Variants in GABBR1 observed in about 807,000 individuals in gnomAD.
The protein encoded by GABBR1 is gamma-aminobutyric acid type B receptor subunit 1.
Under a neutral mutation model 117.7 loss-of-function variants are expected in GABBR1, and 35 were observed. The ratio of observed to expected loss-of-function variants is 0.30; its 90% confidence interval spans 0.23 to 0.39. GABBR1 has a LOEUF of 0.39. GABBR1 is among the 10% of genes least tolerant of loss of function. GABBR1 has a pLI of 1.00. For synonymous variants in GABBR1, 442 were observed against 486.6 expected (o/e 0.91, Z 1.21); for missense variants, 709 against 1,241.8 (o/e 0.57, Z 6.45).
chr6:29,624,156 T>G, intron 6 of GABBR1, 132 bp from the exon 7 acceptor site: 6 of 924,464 alleles, frequency 6.5e-6, no homozygotes, highest in Non-Finnish European at 7.8e-6. Flanking sequence ...TACCGTTTTC[T>G]TCTCCTTTCT....
chr6:29,620,497 T>C lies in GABBR1; in HGVS notation c.1323+604A>G, dbSNP rs1056012137. On this transcript the variant is annotated intron_variant, in intron 11 of 22. Coordinates refer to ENST00000377034, the MANE Select transcript of GABBR1 (RefSeq NM_001470.4). The surrounding 1 kb of genome is among the most constrained non-coding windows in gnomAD (Gnocchi z 4.5). ...CCCACACTCACTTCTGCCCCTCAGC[T>C]GCAGGGCTGCCCCAGCCCTCTCAAA... 5.3e-5 allele frequency among the ~76,000 whole-genome samples: 8 copies of C among 152,178 alleles called. No homozygotes were observed. The highest frequency in any genetic ancestry group is 1.5e-5 in the Non-Finnish European group (1 of 68,032).
Position 29,620,889 on chromosome 6 carries a change from G to GTTT in GABBR1, c.1323+209_1323+211dup, listed in dbSNP as rs28383955. 6.9e-6 allele frequency among the ~76,000 whole-genome samples: 1 copy of GTTT among 144,776 alleles called. No homozygotes were observed. The allele number at this position is 144,776 out of a possible 152,430, so 95.0% of individuals were successfully genotyped here. ...AACCTACTGAACATACAACTCCATC[G>GTTT]TTTTTTTTTTTTTCTCTCTCTACCC... On this transcript the variant is annotated intron_variant, in intron 11 of 22. Transcript: ENST00000377034. The surrounding 1 kb of genome is among the most constrained non-coding windows in gnomAD (Gnocchi z 4.5).
Position 29,623,490 on chromosome 6 carries a change from G to C in GABBR1, c.793-15C>G, listed in dbSNP as rs1305153561. 1.9e-6 allele frequency: 3 copies of C among 1,612,114 alleles called. No individual in the cohort carries two copies. The highest frequency in any genetic ancestry group is 2.7e-5 in the African/African-American group (2 of 74,858). ...CCATAGGAAAGCTGTGGGGCAGGGA[G>C]AGTGAGTGCAACAGGGTCTGTTCAC... On this transcript the variant is annotated splice_polypyrimidine_tract_variant and intron_variant, in intron 7 of 22. Coordinates refer to ENST00000377034, the MANE Select transcript of GABBR1 (RefSeq NM_001470.4). The surrounding 1 kb of genome is among the most constrained non-coding windows in gnomAD (Gnocchi z 6.2).
At chr6:29,615,876 G>A (rs1188172593) in intron 11 of GABBR1, among the ~76,000 whole-genome samples, 1 of 152,006 alleles carries the variant, frequency 6.6e-6, no homozygotes, top group Admixed American at 6.6e-5. Flanking sequence ...AGACCAGCCT[G>A]GCCAACATGG....
Position 29,630,679 on chromosome 6 carries a change from T to C in GABBR1, c.290-36A>G, listed in dbSNP as rs761226412. The C allele has an allele frequency of 1.3e-6, 2 of 1,571,346 alleles. No homozygotes were observed. Among genetic ancestry groups the C allele is most frequent in the Admixed American group, 1.7e-5 (1 of 58,942 alleles). The stretch of plus-strand genomic sequence containing the variant: ...ATAGGAAAATAAGAAGAGAGGCGAG[T>C]TGAAGAAGGCTCTTTCCCTTTAAAG... On this transcript the variant is annotated intron_variant, in intron 3 of 22. Coordinates refer to ENST00000377034, the MANE Select transcript of GABBR1 (RefSeq NM_001470.4). The surrounding 1 kb of genome is among the most constrained non-coding windows in gnomAD (Gnocchi z 4.9).
Position 29,632,528 on chromosome 6 carries a change from C to CG in GABBR1, c.1-144dup. On this transcript the variant is annotated intron_variant, in intron 1 of 22. Transcript: ENST00000377034. The surrounding 1 kb of genome is among the most constrained non-coding windows in gnomAD (Gnocchi z 5.8). ...CCAAGAGAGCGCCCCGCGGAGGAGG[C>CG]GGGGGCGGAGCCCCGCGCGGGGTGG... The CG allele has an allele frequency of 1.1e-6, 1 of 920,444 alleles. No homozygotes were observed. The highest frequency in any genetic ancestry group is 1.5e-6 in the Non-Finnish European group (1 of 660,210). The allele number at this position is 920,444 out of a possible 1,614,324, so 57.0% of individuals were successfully genotyped here. A position where few individuals can be genotyped will look rare whatever the true frequency, so the allele number is the denominator to read the frequency against.
chr6:29,612,216 T>C (rs1174634575), intron 13 of GABBR1, among the ~76,000 whole-genome samples: 1 of 151,400 alleles, frequency 6.6e-6, no homozygotes, highest in African/African-American at 2.4e-5. Context: ...TTTCACCATG[T>C]TGGTCTGGCT....
chr6:29,612,418 T>G, intron 13 of GABBR1, 133 bp downstream of exon 13: 2 of 635,904 alleles, frequency 3.1e-6, no homozygotes, highest in Non-Finnish European at 5.6e-6. Flanking sequence ...ATGAACAGAG[T>G]TAAAAGAGAA....
At chr6:29,615,793 G>C (rs980094129) in intron 11 of GABBR1, among the ~76,000 whole-genome samples, 2 of 152,112 alleles carry the variant, frequency 1.3e-5, no homozygotes, top group Non-Finnish European at 2.9e-5. Context: ...CTTGGCCTGG[G>C]CACGGAGGCT....
rs765303035 is a variant in GABBR1, at chr6:29,630,689, C to T, written c.290-46G>A. The stretch of plus-strand genomic sequence containing the variant: ...AAGAAGAGAGGCGAGTTGAAGAAGG[C>T]TCTTTCCCTTTAAAGAGCAGGGGAC... On this transcript the variant is annotated intron_variant, in intron 3 of 22. Transcript: ENST00000377034. The surrounding 1 kb of genome is among the most constrained non-coding windows in gnomAD (Gnocchi z 4.9). 3.2e-6 allele frequency: 5 copies of T among 1,548,762 alleles called. No individual in the cohort carries two copies. Among genetic ancestry groups the T allele is most frequent in the East Asian group, 2.3e-5 (1 of 44,022 alleles).
At chr6:29,625,469 C>G (rs1407846834) in intron 6 of GABBR1, among the ~76,000 whole-genome samples, 1 of 152,162 alleles carries the variant, frequency 6.6e-6, no homozygotes, top group East Asian at 1.9e-4. Flanking sequence ...TTCTTGCAAC[C>G]GTTTCCCTCT....
Position 29,609,313 on chromosome 6 carries a change from A to G in GABBR1, c.1775T>C (p.Phe592Ser). 1 of 1,613,014 alleles carries G rather than the reference A, an allele frequency of 6.2e-7. No homozygotes were observed. Among genetic ancestry groups the G allele is most frequent in the Non-Finnish European group, 8.5e-7 (1 of 1,179,976 alleles). The change falls in exon 15 of 23, where the codon TTT (phenylalanine) becomes TCT (serine). Residue 592 changes from phenylalanine (F) to serine (S), a missense_variant. Physicochemically the swap from Phe to Ser is radical, Grantham distance 155. Around this residue, in one of 9 missense-constraint regions of GABBR1, gnomAD observed 251 missense variants for 445.3 expected, o/e 0.56. Transcript: ENST00000377034. This position sits in a 1 kb window ranked among gnomAD's most constrained non-coding sequence, Gnocchi z 4.3. ...KTFRFLSQKLFISVSVLSSLG... is the reference protein window; with the variant it reads ...KTFRFLSQKLSISVSVLSSLG... ...GCTGGAGAGAACTGAGACGGAGATA[A>G]AGAGTTTCTGTGACAGGAAGCGGAA... is the stretch of plus-strand genomic sequence containing the variant.
chr6:29,629,812 CAA>C (rs28383808), intron 4 of GABBR1: 14 of 104,598 alleles, frequency 1.3e-4, no homozygotes, highest in African/African-American at 1.7e-4. Flanking sequence ...AATTACGTGG[CAA>C]AAAAAAAAAA....
rs1478590102 is a variant in GABBR1 at position 29,633,069 on chromosome 6, CGGGAGCG to C, written c.-227_-221del. On this transcript the variant is annotated 5_prime_UTR_variant, in exon 1 of 23. Coordinates refer to ENST00000377034, the MANE Select transcript of GABBR1 (RefSeq NM_001470.4). The surrounding 1 kb of genome is among the most constrained non-coding windows in gnomAD (Gnocchi z 4.4). ...TTCTTCCCCGGGGCGGCGGCAGCCA[CGGGAGCG>C]GGGAGCGGGGAGCCGGGAGGGAAGG... The C allele has an allele frequency of 1.9e-5, 3 of 154,134 alleles. No individual in the cohort carries two copies. The highest frequency in any genetic ancestry group is 2.9e-5 in the Non-Finnish European group (2 of 69,520). The allele number at this position is 154,134 out of a possible 1,614,324, so 9.5% of individuals were successfully genotyped here. A position where few individuals can be genotyped will look rare whatever the true frequency, so the allele number is the denominator to read the frequency against.
chr6:29,610,707 A>G (rs1004179151), intron 14 of GABBR1, among the ~76,000 whole-genome samples: 4 of 151,950 alleles, frequency 2.6e-5, no homozygotes, highest in African/African-American at 9.7e-5. Context: ...CATTAAAAAT[A>G]GTACTAACCA....
intron 5 of GABBR1, 137 bp downstream of exon 5, chr6:29,628,950 G>T: frequency 1.1e-6 from 1 of 922,292 alleles, no homozygotes. Flanking sequence ...GAAGGGGGTG[G>T]CCGCAAACTG....
intron 13 of GABBR1, among the ~76,000 whole-genome samples, chr6:29,612,196 T>C (rs1365866536): frequency 6.7e-6 from 1 of 149,258 alleles, no homozygotes; most frequent in Non-Finnish European, 1.5e-5. Context: ...GTATTTTTGG[T>C]AGAGACAGGT....
Position 29,609,354 on chromosome 6 carries a change from G to C in GABBR1, c.1734C>G (p.Thr578=). The C allele has an allele frequency of 6.2e-7, 1 of 1,612,844 alleles. No homozygotes were observed. The highest frequency in any genetic ancestry group is 8.5e-7 in the Non-Finnish European group (1 of 1,179,888). The change falls in exon 15 of 23, where the codon ACC becomes ACG. Residue 578 remains threonine (T), a synonymous_variant. Transcript: ENST00000377034. This position sits in a 1 kb window ranked among gnomAD's most constrained non-coding sequence, Gnocchi z 4.3. ...GGAAGCGGAATGTCTTGATGACCAG[G>C]GTCTGGTCAGCTGGGGGGGACCCTC... ...WIGGSPPADQ[T]LVIKTFRFLS...
intron 11 of GABBR1, among the ~76,000 whole-genome samples, chr6:29,614,279 G>A (rs1209036193): frequency 6.6e-6 from 1 of 152,200 alleles, no homozygotes; most frequent in African/African-American, 2.4e-5. Context: ...ACATACTGGA[G>A]AAAATCACAT....
Sources: allele counts gnomAD v4.1 joint callset (sites outside exome capture counted in the v4.1 genomes callset), GRCh38; gene constraint gnomAD v4.1.1; regional missense constraint gnomAD v4.1.1; non-coding constraint Gnocchi (gnomAD v3.1); transcripts MANE v1.5; gene names NCBI Gene and HGNC (gene_info 2026-07-23, HGNC 2026-07-21).